Variants in TTN observed in about 807,000 individuals in gnomAD.
The protein encoded by TTN is titin, also known as connectin.
A neutral mutation model predicts 3,223.0 loss-of-function variants in TTN; 1,525 were observed. The observed-to-expected ratio is 0.47, with a 90% confidence interval of 0.45 to 0.49. TTN has a LOEUF of 0.49. Among genes scored for constraint, TTN ranks in the 20% least tolerant of loss-of-function variants. The pLI, the probability that TTN is intolerant of heterozygous loss-of-function variation, is 0.00. For missense variants in TTN, 40,786 were observed against 43,424.0 expected (o/e 0.94, Z 5.40); for synonymous variants, 14,094 against 15,161.0 (o/e 0.93, Z 5.17).
chr2:178,618,445 A>G lies in TTN; in HGVS notation c.47013T>C (p.Asp15671=), dbSNP rs1553711771. The change falls in exon 252 of 363, where the codon GAT becomes GAC. Residue 15671 remains aspartate (D), a synonymous_variant. Coordinates refer to ENST00000589042, the MANE Select transcript of TTN (RefSeq NM_001267550.2). ...VRNLEVTETF[D]GEVSLAWEEP... ...CTTCCCAAGCAAGGCTCACTTCACC[A>G]TCAAATGTTTCTGTCACTTCTAAGT... 1.2e-6 allele frequency: 2 copies of G among 1,612,488 alleles called. No homozygotes were observed. The highest frequency in any genetic ancestry group is 1.7e-5 in the Admixed American group (1 of 59,858).
rs769729114 is a variant in TTN, at chr2:178,570,299, C to T, written c.75833G>A (p.Arg25278His). The T allele has an allele frequency of 4.4e-5, 71 of 1,613,164 alleles. No homozygotes were observed. Among genetic ancestry groups the T allele is most frequent in the Admixed American group, 3.8e-4 (23 of 59,928 alleles). Residue 25278 changes from arginine to histidine, a missense_variant, in exon 326 of 363, where the codon CGT becomes CAT. Transcript: ENST00000589042. Reference protein sequence around the residue: ...KLLEGNEYTFRIMAVNKYGVG... With the variant: ...KLLEGNEYTFHIMAVNKYGVG... Reference sequence around the variant, plus strand: ...ACCATATTTGTTTACTGCCATTATACGGAAAGTATATTCATTGCCTTCAAG... The same window carrying T: ...ACCATATTTGTTTACTGCCATTATATGGAAAGTATATTCATTGCCTTCAAG...
intron 6 of TTN, 32 bp from the exon 7 acceptor site, chr2:178,795,284 C>T (rs2093706253): frequency 6.2e-7 from 1 of 1,605,188 alleles, no homozygotes; most frequent in Non-Finnish European, 8.5e-7. Context: ...TCAAGAATGT[C>T]AAAGCAAGGA....
intron 220 of TTN, among the ~76,000 whole-genome samples, chr2:178,640,947 T>A (rs2061160596): frequency 6.6e-6 from 1 of 151,922 alleles, no homozygotes; most frequent in Admixed American, 6.6e-5. Flanking sequence ...TTATGAAACC[T>A]TTGCTGACAC....
At position 178,794,545 on chromosome 2, in the gene TTN, G is replaced by C. The variant is rs1290100739; in HGVS notation, c.1252C>G (p.Gln418Glu). The change falls in exon 8 of 363, where the codon CAA (glutamine) becomes GAA (glutamate). Residue 418 changes from glutamine (Q) to glutamate (E), a missense_variant. Gln to Glu is a conservative substitution (Grantham distance 29). Transcript: ENST00000589042. ...ACAGCTGCACTTTTGTCAGCATCTTGTTTCACCTAGATTAGAAATGACCAA... is the reference window on the plus strand; with the variant it reads ...ACAGCTGCACTTTTGTCAGCATCTTCTTTCACCTAGATTAGAAATGACCAA... The part of the protein sequence containing the change: ...AVATGAKEVK[Q>E]DADKSAAVAT... The C allele has an allele frequency of 1.2e-6, 2 of 1,614,172 alleles. No homozygotes were observed. Among genetic ancestry groups the C allele is most frequent in the East Asian group, 2.2e-5 (1 of 44,882 alleles).
chr2:178,752,601 T>C lies in TTN; in HGVS notation c.11311+523A>G, dbSNP rs1448384122. On this transcript the variant is annotated intron_variant, in intron 47 of 362. Coordinates refer to ENST00000589042, the MANE Select transcript of TTN (RefSeq NM_001267550.2). ...CAATAAGGATCACATAAGGCAGCTA[T>C]CTGCAAGCCAGTGTAAGAGACATAT... 3.3e-5 allele frequency among the ~76,000 whole-genome samples: 5 copies of C among 152,206 alleles called. No individual in the cohort carries two copies. In the East Asian group the frequency reaches 9.7e-4, roughly 29 times the overall value.
At chr2:178,675,316 T>C (rs2067817179) in intron 149 of TTN, 1 of 412,486 alleles carries the variant, frequency 2.4e-6, no homozygotes, top group Admixed American at 4.5e-5. Context: ...AAAGAGAAAT[T>C]CTACTTTTTA....
chr2:178,628,118 A>G (rs1224076418), intron 240 of TTN, among the ~76,000 whole-genome samples: 12 of 152,202 alleles, frequency 7.9e-5, no homozygotes, highest in Non-Finnish European at 1.8e-4. Context: ...TATTATCTGT[A>G]TAACAGGCAG....
chr2:178,649,944 T>G (rs747313802), intron 210 of TTN, 50 bp from the exon 211 acceptor site: 1 of 1,562,898 alleles, frequency 6.4e-7, no homozygotes. Context: ...AATGAAAAAT[T>G]TAATGCTAAT....
At chr2:178,645,266 G>A (rs1019234002) in intron 217 of TTN, 1 of 151,788 alleles carries the variant, frequency 6.6e-6, no homozygotes, top group African/African-American at 2.4e-5. Flanking sequence ...ATAAGAAGGG[G>A]GAAGGGAAGT....
At chr2:178,783,164 G>C in intron 17 of TTN, 100 bp from the exon 18 acceptor site, 1 of 1,354,084 alleles carries the variant, frequency 7.4e-7, no homozygotes, top group Non-Finnish European at 1.0e-6. Flanking sequence ...CATTTCAACT[G>C]CCACAAAATG....
At position 178,552,203 on chromosome 2, in the gene TTN, G is replaced by A. The variant is rs1553539391; in HGVS notation, c.90697C>T (p.Arg30233Ter). The A allele has an allele frequency of 1.2e-6, 2 of 1,613,388 alleles. No homozygotes were observed. The highest frequency in any genetic ancestry group is 1.7e-6 in the Non-Finnish European group (2 of 1,179,704). The change falls in exon 335 of 363, where the codon CGA (arginine) becomes TGA (stop). Residue 30233 changes from arginine (R) to a stop codon, truncating the protein, a stop_gained. Transcript: ENST00000589042. LOFTEE classifies it high-confidence loss of function. ...GPPSKPKGPI[R>*]FDEIKADSVI... ...CTATCAGCCTTGATTTCATCAAATCGAATGGGTCCTTTGGGCTTTGATGGT... is the reference window on the plus strand; with the variant it reads ...CTATCAGCCTTGATTTCATCAAATCAAATGGGTCCTTTGGGCTTTGATGGT...
In TTN at chr2:178,530,809, G is replaced by C; in HGVS notation, c.105806C>G (p.Thr35269Arg). The C allele has an allele frequency of 6.2e-7, 1 of 1,613,844 alleles. No individual in the cohort carries two copies. Among genetic ancestry groups the C allele is most frequent in the Non-Finnish European group, 8.5e-7 (1 of 1,179,860 alleles). Residue 35269 changes from threonine (T) to arginine (R), a missense_variant, in exon 358 of 363, where the codon ACA becomes AGA. Coordinates refer to ENST00000589042, the MANE Select transcript of TTN (RefSeq NM_001267550.2). ...SHPKAVSPTETKPTPTEKVQH... is the reference protein window; with the variant it reads ...SHPKAVSPTERKPTPTEKVQH... ...AACTTTCTCTGTTGGTGTTGGTTTT[G>C]TCTCTGTGGGTGATACGGCTTTCGG...
rs1027968831 is a variant in TTN at position 178,692,607 on chromosome 2, GA to G, written c.31595-28del. The G allele has an allele frequency of 5.4e-6, 8 of 1,480,478 alleles. No homozygotes were observed. In the African/African-American group the frequency reaches 1.1e-4, roughly 21 times the overall value. The allele number at this position is 1,480,478 out of a possible 1,614,324, so 91.7% of individuals were successfully genotyped here. Reference sequence around the variant, plus strand: ...TTTAAAAGAAAAGTGCCATTTTTGAGAAAGTGTGCATTTGACAAGGCATATG... The same window carrying G: ...TTTAAAAGAAAAGTGCCATTTTTGAGAAGTGTGCATTTGACAAGGCATATG... On this transcript the variant is annotated intron_variant, in intron 119 of 362. Coordinates refer to ENST00000589042, the MANE Select transcript of TTN (RefSeq NM_001267550.2).
At chr2:178,605,761 T>C (rs556088280) in intron 278 of TTN, 48 bp from the exon 279 acceptor site, 2 of 1,366,700 alleles carry the variant, frequency 1.5e-6, no homozygotes, top group East Asian at 2.5e-5. Flanking sequence ...TAAATATTCA[T>C]GTAAGAAATA....
rs563603991 is a variant in TTN at position 178,608,155 on chromosome 2, C to A, written c.52705+23G>T. The A allele has an allele frequency of 3.1e-6, 5 of 1,600,570 alleles. No individual in the cohort carries two copies. The East Asian group carries it at 9.0e-5, about 29-fold the overall frequency. On this transcript the variant is annotated intron_variant, in intron 275 of 362. Transcript: ENST00000589042. Reference sequence around the variant, plus strand: ...TGTACAATAGCTTGTTCTACTCCACCTTCTTCTTAAGGAACTACTTACAGA... The same window carrying A: ...TGTACAATAGCTTGTTCTACTCCACATTCTTCTTAAGGAACTACTTACAGA...
chr2:178,561,500 T>C lies in TTN; in HGVS notation c.84632A>G (p.Asp28211Gly), dbSNP rs1168835158. 3.7e-6 allele frequency: 6 copies of C among 1,613,604 alleles called. No individual in the cohort carries two copies. Among genetic ancestry groups the C allele is most frequent in the Non-Finnish European group, 2.5e-6 (3 of 1,179,742 alleles). Reference sequence around the variant, plus strand: ...AAGGCCGGAGACTTTCATTTGAGTATCAGCAATGAGGATTTTATTTGCTTT... The same window carrying C: ...AAGGCCGGAGACTTTCATTTGAGTACCAGCAATGAGGATTTTATTTGCTTT... The part of the protein sequence containing the change: ...WSKANKILIA[D>G]TQMKVSGLDE... Residue 28211 changes from aspartate to glycine, a missense_variant, in exon 326 of 363, where the codon GAT (aspartate) becomes GGT (glycine). Asp to Gly is a moderately conservative substitution (Grantham distance 94). Transcript: ENST00000589042.
rs1443902669 is a variant in TTN, at chr2:178,536,155, C to T, written c.100592G>A (p.Arg33531Lys). 2.5e-6 allele frequency: 4 copies of T among 1,613,530 alleles called. No individual in the cohort carries two copies. The highest frequency in any genetic ancestry group is 3.4e-6 in the Non-Finnish European group (4 of 1,179,722). Residue 33531 changes from arginine to lysine, a missense_variant, in exon 357 of 363, where the codon AGA becomes AAA. By Grantham distance (26) the Arg-to-Lys change is conservative (BLOSUM62 2). Transcript: ENST00000589042. Reference sequence around the variant, plus strand: ...ATCTGCAATGATTTCTTTGCCTTGTCTGTACCATTTGACGATAGGTTTTGG... The same window carrying T: ...ATCTGCAATGATTTCTTTGCCTTGTTTGTACCATTTGACGATAGGTTTTGG... ...GHPKPIVKWY[R>K]QGKEIIADGL...
chr2:178,592,992 C>G lies in TTN; in HGVS notation c.59127G>C (p.Gly19709=). The G allele has an allele frequency of 1.9e-6, 3 of 1,613,382 alleles. No homozygotes were observed. Among genetic ancestry groups the G allele is most frequent in the Non-Finnish European group, 2.5e-6 (3 of 1,179,612 alleles). ...LTWQPPRHDG[G]SKILGYIVEY... ...CAACAATATAACCCAGAATCTTGCT[C>G]CCACCATCATGACGTGGTGGCTGCC... The change falls in exon 300 of 363, where the codon GGG becomes GGC. Residue 19709 remains glycine, a synonymous_variant. Coordinates refer to ENST00000589042, the MANE Select transcript of TTN (RefSeq NM_001267550.2).
intron 48 of TTN, among the ~76,000 whole-genome samples, chr2:178,738,865 A>G (rs1313831242): frequency 6.6e-6 from 1 of 152,192 alleles, no homozygotes; most frequent in Non-Finnish European, 1.5e-5. Context: ...TTCATATGAA[A>G]ATTAACTAAA....
Sources: allele counts gnomAD v4.1 joint callset (sites outside exome capture counted in the v4.1 genomes callset), GRCh38; gene constraint gnomAD v4.1.1; transcripts MANE v1.5; gene names NCBI Gene and HGNC (gene_info 2026-07-23, HGNC 2026-07-21).